TENM1: variants seen among roughly 807,000 people sequenced by gnomAD.
TENM1 encodes teneurin-1.
TENM1 carries 35 observed loss-of-function variants against 174.8 expected under a neutral mutation model. The observed-to-expected ratio is 0.20, with a 90% CI of 0.15 to 0.27. The LOEUF (loss-of-function observed/expected upper bound fraction) is 0.27, where lower values mean the gene tolerates loss of function less well. TENM1 is among the 10% of genes least tolerant of loss of function. The pLI, the probability that TENM1 is intolerant of heterozygous loss-of-function variation, is 1.00. For missense variants in TENM1, 1,633 were observed against 2,130.1 expected (o/e 0.77, Z 4.59); for synonymous variants, 781 against 798.7 (o/e 0.98, Z 0.37).
exon 17 of TENM1, chrX:124,523,478 C>A: frequency 8.3e-7 from 1 of 1,211,114 alleles, no homozygotes; most frequent in African/African-American, 1.7e-5. Flanking sequence ...CGCAGGATGG[C>A]GGGTCTGATA....
intron 23 of TENM1, among the ~76,000 whole-genome samples, chrX:124,440,321 TCAA>T: frequency 1.8e-5 from 2 of 112,369 alleles, no homozygotes; most frequent in South Asian, 7.4e-4. Context: ...GTATGATGAA[TCAA>T]CAGAAAATAC....
At chrX:124,505,995 G>A (rs1299425785) in intron 18 of TENM1, among the ~76,000 whole-genome samples, 2 of 111,645 alleles carry the variant, frequency 1.8e-5, no homozygotes, top group African/African-American at 6.5e-5. Flanking sequence ...GCACACTGAG[G>A]GCCATGTTGG....
chrX:124,511,280 T>A (rs984561194), intron 18 of TENM1, among the ~76,000 whole-genome samples: 1 of 112,117 alleles, frequency 8.9e-6, no homozygotes, highest in Non-Finnish European at 1.9e-5. Context: ...TGTAGGTCCG[T>A]GAAAATCTCA....
intron 3 of TENM1, among the ~76,000 whole-genome samples, chrX:124,826,877 C>T (rs1410951114): frequency 9.0e-6 from 1 of 111,544 alleles, no homozygotes; most frequent in Non-Finnish European, 1.9e-5. Flanking sequence ...GAAGGTCACA[C>T]TTTTTGCTCA....
chrX:124,861,629 T>A (rs747564488), intron 3 of TENM1, among the ~76,000 whole-genome samples: 1 of 112,336 alleles, frequency 8.9e-6, no homozygotes, highest in African/African-American at 3.2e-5. Context: ...CATTATTGGA[T>A]AAAATATGAT....
intron 23 of TENM1, among the ~76,000 whole-genome samples, chrX:124,436,843 T>G (rs921346904): frequency 1.8e-5 from 2 of 110,638 alleles, no homozygotes; most frequent in Admixed American, 1.9e-4. Flanking sequence ...TCTCTTGTTT[T>G]TTTCTGACCC....
chrX:125,006,389 C>T, the TENM1 span, among the ~76,000 whole-genome samples: 2 of 111,951 alleles, frequency 1.8e-5, no homozygotes, highest in Non-Finnish European at 3.8e-5. Flanking sequence ...ACAGAACTCT[C>T]ACCTACCTGG....
intron 3 of TENM1, among the ~76,000 whole-genome samples, chrX:124,880,643 T>C (rs1380695909): frequency 8.9e-6 from 1 of 112,006 alleles, no homozygotes; most frequent in Non-Finnish European, 1.9e-5. Flanking sequence ...CTATTCAGTA[T>C]GATGTCAGCT....
chrX:124,377,713 T>C (rs959803792), exon 32 of TENM1: 3 of 111,942 alleles, frequency 2.7e-5, no homozygotes, highest in Non-Finnish European at 5.6e-5. Flanking sequence ...CCAACTACTA[T>C]GCTCTCACTT....
At chrX:124,380,208 G>A (rs1460276858) in exon 32 of TENM1, 1 of 176,101 alleles carries the variant, frequency 5.7e-6, no homozygotes, top group African/African-American at 3.0e-5. Context: ...TAGAGATAGA[G>A]AACCTTGGGT....
the TENM1 span, among the ~76,000 whole-genome samples, chrX:125,009,355 T>C: frequency 9.0e-6 from 1 of 111,663 alleles, no homozygotes; most frequent in South Asian, 3.7e-4. Context: ...AATCCCTGAA[T>C]AGACCAATAT....
At chrX:124,493,499 G>A (rs1324456142) in intron 20 of TENM1, among the ~76,000 whole-genome samples, 2 of 111,145 alleles carry the variant, frequency 1.8e-5, no homozygotes, top group Admixed American at 9.6e-5. Context: ...GGCTTTATAG[G>A]GTTAACTATG....
intron 28 of TENM1, among the ~76,000 whole-genome samples, chrX:124,388,027 C>T (rs2060241811): frequency 8.9e-6 from 1 of 112,164 alleles, no homozygotes. Flanking sequence ...TGGCAGGGGG[C>T]AGGGGTGGAA....
the TENM1 span, among the ~76,000 whole-genome samples, chrX:125,030,535 TC>T: frequency 8.9e-6 from 1 of 112,332 alleles, no homozygotes; most frequent in African/African-American, 3.2e-5. Flanking sequence ...TTCAAGCTTA[TC>T]CCTTCTTTTC....
chrX:124,520,979 T>C (rs926463659), intron 17 of TENM1, among the ~76,000 whole-genome samples, 195 bp from the exon 21 acceptor site: 11 of 111,424 alleles, frequency 9.9e-5, no homozygotes, highest in African/African-American at 3.3e-4. Flanking sequence ...GCACCAAACC[T>C]GAATGGAGAC....
intron 5 of TENM1, among the ~76,000 whole-genome samples, chrX:124,680,443 A>G (rs1399335688): frequency 9.0e-6 from 1 of 111,153 alleles, no homozygotes; most frequent in Non-Finnish European, 1.9e-5. Context: ...TATAAATAAC[A>G]TGTCTAGTTA....
chrX:125,172,841 A>G, the TENM1 span, among the ~76,000 whole-genome samples: 1 of 111,446 alleles, frequency 9.0e-6, no homozygotes, highest in Admixed American at 9.6e-5. Flanking sequence ...CTGCCCAGCA[A>G]ATACTACACA....
At chrX:124,768,690 C>T (rs941021345) in intron 3 of TENM1, among the ~76,000 whole-genome samples, 3 of 112,255 alleles carry the variant, frequency 2.7e-5, no homozygotes, top group African/African-American at 6.5e-5. Context: ...TAATCTTTCA[C>T]GGCAATCTAA....
chrX:125,050,404 A>G, the TENM1 span, among the ~76,000 whole-genome samples: 1 of 109,203 alleles, frequency 9.2e-6, no homozygotes, highest in East Asian at 2.9e-4. Context: ...GAGTGAGAAC[A>G]TGTGGTGTCT....
Sources: gnomAD v4.1 joint callset for allele counts (sites outside exome capture counted in the v4.1 genomes callset) on GRCh38, gnomAD v4.1.1 for gene constraint, MANE v1.5 for transcripts, NCBI Gene and HGNC (gene_info 2026-07-23, HGNC 2026-07-21) for gene names.